ANKS1B: variants seen among roughly 807,000 people sequenced by gnomAD.
The protein encoded by ANKS1B is ankyrin repeat and sterile alpha motif domain containing 1B.
Under a neutral mutation model 148.3 loss-of-function variants are expected in ANKS1B, and 36 were observed. The ratio of observed to expected loss-of-function variants is 0.24; its 90% CI spans 0.19 to 0.32. The LOEUF (loss-of-function observed/expected upper bound fraction) is 0.32, where lower values mean the gene tolerates loss of function less well. Among genes scored for constraint, ANKS1B ranks in the 10% least tolerant of loss-of-function variants. The pLI, the probability that ANKS1B is intolerant of heterozygous loss-of-function variation, is 1.00. For missense variants in ANKS1B, 1,157 were observed against 1,542.6 expected, an observed-to-expected ratio of 0.75 and a Z score of 4.19; for synonymous variants, 542 against 560.8, an observed-to-expected ratio of 0.97 and a Z score of 0.47.
chr12:99,110,622 A>G (rs1397456968), intron 15 of ANKS1B, among the ~76,000 whole-genome samples: 1 of 152,228 alleles, frequency 6.6e-6, no homozygotes, highest in Non-Finnish European at 1.5e-5. Flanking sequence ...GTGTTTTTAT[A>G]TATTAATATG....
chr12:99,392,154 G>C (rs1432180328), intron 12 of ANKS1B, among the ~76,000 whole-genome samples: 1 of 152,214 alleles, frequency 6.6e-6, no homozygotes, highest in Non-Finnish European at 1.5e-5. Context: ...GCCTGTTCCT[G>C]GCCTTCCTGT....
chr12:99,236,457 CAG>C (rs2087950146), intron 14 of ANKS1B, among the ~76,000 whole-genome samples: 1 of 152,146 alleles, frequency 6.6e-6, no homozygotes, highest in Non-Finnish European at 1.5e-5. Flanking sequence ...GAGAGAGACA[CAG>C]TAAAGGGGGA....
chr12:99,894,635 C>T (rs1218227890), intron 1 of ANKS1B, among the ~76,000 whole-genome samples: 2 of 140,354 alleles, frequency 1.4e-5, no homozygotes, highest in African/African-American at 2.5e-5. Flanking sequence ...ACCTATACAA[C>T]CATTTTGTTT....
intron 14 of ANKS1B, among the ~76,000 whole-genome samples, chr12:99,229,341 T>C (rs1218830778): frequency 6.6e-6 from 1 of 151,922 alleles, no homozygotes; most frequent in Non-Finnish European, 1.5e-5. Flanking sequence ...TTAATGGTCA[T>C]TTGATTTGAT....
intron 1 of ANKS1B, among the ~76,000 whole-genome samples, chr12:99,871,729 T>C (rs1190266293): frequency 1.3e-5 from 2 of 152,174 alleles, no homozygotes; most frequent in Admixed American, 1.3e-4. Context: ...ATTATTGGTG[T>C]ATAGAAATGT....
At chr12:98,831,744 C>T in intron 18 of ANKS1B, 1 of 352,022 alleles carries the variant, frequency 2.8e-6, no homozygotes, top group Non-Finnish European at 5.4e-6. Context: ...TTTATAAAAC[C>T]TATAAAACTA....
At chr12:99,788,734 T>C (rs2065277911) in intron 4 of ANKS1B, among the ~76,000 whole-genome samples, 1 of 152,120 alleles carries the variant, frequency 6.6e-6, no homozygotes, top group Non-Finnish European at 1.5e-5. Flanking sequence ...GGGAGCCTAC[T>C]GCCCTATAGG....
chr12:99,592,293 C>A (rs2097710682), intron 9 of ANKS1B, among the ~76,000 whole-genome samples: 1 of 152,128 alleles, frequency 6.6e-6, no homozygotes, highest in South Asian at 2.1e-4. Context: ...AATGCATTCA[C>A]AGAACGGAAG....
intron 15 of ANKS1B, among the ~76,000 whole-genome samples, chr12:99,135,584 AG>A (rs1308965817): frequency 5.3e-5 from 8 of 152,230 alleles, no homozygotes; most frequent in African/African-American, 1.9e-4. Flanking sequence ...GTAAGACAAG[AG>A]AGCATTGTCT....
chr12:99,984,459 G>C lies in ANKS1B; in HGVS notation c.-222C>G, dbSNP rs868629995. Reference sequence around the variant, plus strand: ...GGATCAGACCATGTCTTGAAAGAGGGGCTGGCCGAGCTGGGAGCCGCGACG... The same window carrying C: ...GGATCAGACCATGTCTTGAAAGAGGCGCTGGCCGAGCTGGGAGCCGCGACG... On this transcript the variant is annotated 5_prime_UTR_variant, in exon 1 of 27. Coordinates refer to ENST00000683438, the MANE Select transcript of ANKS1B (RefSeq NM_001352186.2). The C allele has an allele frequency of 2.3e-6, 1 of 438,040 alleles. No individual in the cohort carries two copies. The highest frequency in any genetic ancestry group is 6.1e-5 in the South Asian group (1 of 16,400). The allele number at this position is 438,040 out of a possible 1,614,324, so 27.1% of individuals were successfully genotyped here. A position where few individuals can be genotyped will look rare whatever the true frequency, so the allele number is the denominator to read the frequency against.
intron 19 of ANKS1B, among the ~76,000 whole-genome samples, chr12:98,827,884 G>A (rs2099262879): frequency 1.3e-5 from 2 of 152,070 alleles, no homozygotes; most frequent in Admixed American, 6.6e-5. Context: ...CTGAAATGCT[G>A]TCATTAGAGA....
chr12:99,159,079 C>A (rs931276435), intron 14 of ANKS1B, among the ~76,000 whole-genome samples: 1 of 152,056 alleles, frequency 6.6e-6, no homozygotes, highest in Non-Finnish European at 1.5e-5. Flanking sequence ...GGTTCCATGC[C>A]CAGAAAGGTA....
intron 11 of ANKS1B, among the ~76,000 whole-genome samples, chr12:99,439,426 G>A (rs922240637): frequency 2.2e-4 from 33 of 151,584 alleles, no homozygotes; most frequent in Admixed American, 2.0e-3. Context: ...ATCTTGTGGG[G>A]TTACAGAAGA....
chr12:99,447,533 C>T (rs1317753726), intron 10 of ANKS1B, among the ~76,000 whole-genome samples: 1 of 152,000 alleles, frequency 6.6e-6, no homozygotes, highest in Non-Finnish European at 1.5e-5. Flanking sequence ...AAAACCTCCA[C>T]AACATTGATT....
chr12:99,779,143 G>A lies in ANKS1B; in HGVS notation c.847+728C>T, dbSNP rs75176153. 5.1e-3 allele frequency among the ~76,000 whole-genome samples: 779 copies of A among 152,318 alleles called. 10 individuals are homozygous for A. The highest frequency in any genetic ancestry group is 0.018 in the African/African-American group (742 of 41,572). On this transcript the variant is annotated intron_variant, in intron 6 of 26. Coordinates refer to ENST00000683438, the MANE Select transcript of ANKS1B (RefSeq NM_001352186.2). ...TGTTATAAAACTTTTAGTTCAAGTGGAGAAGTATGCAAGCTGCAAATAACA... is the reference window on the plus strand; with the variant it reads ...TGTTATAAAACTTTTAGTTCAAGTGAAGAAGTATGCAAGCTGCAAATAACA...
At chr12:99,581,912 AAAAG>A (rs1440491041) in intron 9 of ANKS1B, among the ~76,000 whole-genome samples, 2 of 151,144 alleles carry the variant, frequency 1.3e-5, no homozygotes, top group Non-Finnish European at 3.0e-5. Context: ...AAAAAAAAAA[AAAAG>A]AAAAAAGAAA....
chr12:99,843,479 C>T (rs1013467284), intron 1 of ANKS1B, among the ~76,000 whole-genome samples: 1 of 152,040 alleles, frequency 6.6e-6, no homozygotes, highest in African/African-American at 2.4e-5. Context: ...CATCATTTGC[C>T]TCCCACTTAT....
intron 12 of ANKS1B, among the ~76,000 whole-genome samples, chr12:99,399,263 C>G (rs983360948): frequency 1.4e-4 from 22 of 152,080 alleles, no homozygotes; most frequent in African/African-American, 5.3e-4. Context: ...TTCCTTCTTA[C>G]CAGACATCCT....
chr12:99,544,465 C>G (rs2097154888), intron 9 of ANKS1B, among the ~76,000 whole-genome samples: 1 of 152,084 alleles, frequency 6.6e-6, no homozygotes, highest in African/African-American at 2.4e-5. Context: ...TGTATAAAAT[C>G]AGAATGATAA....
Sources: gnomAD v4.1 joint callset for allele counts (sites outside exome capture counted in the v4.1 genomes callset) on GRCh38, gnomAD v4.1.1 for gene constraint, MANE v1.5 for transcripts, NCBI Gene and HGNC (gene_info 2026-07-23, HGNC 2026-07-21) for gene names.